SLC9B1: variants seen among roughly 807,000 people sequenced by gnomAD.
SLC9B1 encodes sodium/hydrogen exchanger 9B1.
SLC9B1 carries 32 observed loss-of-function variants against 51.7 expected under a neutral mutation model. That is an observed-to-expected ratio of 0.62 (90% CI 0.47 to 0.83). The LOEUF (loss-of-function observed/expected upper bound fraction) is 0.83, where lower values mean the gene tolerates loss of function less well. SLC9B1 is among the 40% of genes least tolerant of loss of function. The probability of loss-of-function intolerance (pLI) is 0.00; values close to 1 mark genes in which losing one functional copy is unlikely to be tolerated. For missense variants in SLC9B1, 406 were observed against 613.2 expected (o/e 0.66, Z 3.57); for synonymous variants, 145 against 212.7 (o/e 0.68, Z 2.77).
chr4:102,950,850 C>T (rs1160143261), intron 3 of SLC9B1, among the ~76,000 whole-genome samples: 1 of 152,116 alleles, frequency 6.6e-6, no homozygotes, highest in African/African-American at 2.4e-5. Flanking sequence ...AAACAATTAG[C>T]CTGGCCTGTT....
intron 11 of SLC9B1, among the ~76,000 whole-genome samples, chr4:102,895,063 G>A (rs1734470683): frequency 6.6e-6 from 1 of 152,108 alleles, no homozygotes; most frequent in Non-Finnish European, 1.5e-5. Flanking sequence ...TAGAAGAATA[G>A]TCAGAAAATT....
intron 3 of SLC9B1, among the ~76,000 whole-genome samples, chr4:102,958,780 G>A (rs1019106381): frequency 5.7e-4 from 86 of 152,066 alleles, no homozygotes; most frequent in African/African-American, 2.0e-3. Flanking sequence ...AAAATTAGCC[G>A]GGCATGGTGG....
At chr4:102,967,966 A>G (rs4365730) in intron 3 of SLC9B1, among the ~76,000 whole-genome samples, 1 of 152,246 alleles carries the variant, frequency 6.6e-6, no homozygotes, top group Non-Finnish European at 1.5e-5. Flanking sequence ...TCCTGCCAAG[A>G]GTCTAGAAAG....
At chr4:103,003,137 C>A (rs986188448) in intron 1 of SLC9B1, among the ~76,000 whole-genome samples, 2 of 152,098 alleles carry the variant, frequency 1.3e-5, no homozygotes, top group Admixed American at 6.6e-5. Flanking sequence ...TATTTGTAAT[C>A]TTTTCATCTT....
chr4:103,008,946 C>T (rs1355311203), intron 1 of SLC9B1, among the ~76,000 whole-genome samples: 1 of 151,972 alleles, frequency 6.6e-6, no homozygotes, highest in African/African-American at 2.4e-5. Flanking sequence ...ACTACGGGCG[C>T]GTGCCACCAC....
Position 102,991,635 on chromosome 4 carries a change from GT to G in SLC9B1, c.69+7del. ...ATCATATATTACAGTATACTTTTAA[GT>G]TTTTACCTGAGGAGTTGTAGATGTT... On this transcript the variant is annotated splice_region_variant and intron_variant, in intron 2 of 11. Coordinates refer to ENST00000296422, the MANE Select transcript of SLC9B1 (RefSeq NM_139173.4). The G allele has an allele frequency of 6.4e-7, 1 of 1,562,726 alleles. No individual in the cohort carries two copies. The highest frequency in any genetic ancestry group is 8.7e-7 in the Non-Finnish European group (1 of 1,149,670).
chr4:102,895,411 G>A (rs1422953019), intron 11 of SLC9B1, among the ~76,000 whole-genome samples: 2 of 152,032 alleles, frequency 1.3e-5, no homozygotes, highest in African/African-American at 4.8e-5. Flanking sequence ...ACACCTATGT[G>A]GAAAAAGGTA....
intron 1 of SLC9B1, among the ~76,000 whole-genome samples, chr4:102,992,741 A>G (rs1207910975): frequency 2.0e-5 from 3 of 152,208 alleles, no homozygotes; most frequent in African/African-American, 7.2e-5. Flanking sequence ...CAAAATAACT[A>G]TCTTGTCATT....
chr4:102,997,538 T>C (rs1364059479), intron 1 of SLC9B1, among the ~76,000 whole-genome samples: 1 of 152,218 alleles, frequency 6.6e-6, no homozygotes, highest in Non-Finnish European at 1.5e-5. Context: ...CTTGATAAAT[T>C]CACTTAATTC....
At chr4:102,932,887 A>G (rs1479811319) in intron 6 of SLC9B1, among the ~76,000 whole-genome samples, 1 of 152,148 alleles carries the variant, frequency 6.6e-6, no homozygotes, top group Non-Finnish European at 1.5e-5. Context: ...ATAAGTAAGT[A>G]AGGAAGGAAG....
At chr4:102,943,506 T>TACACACACACACACACACACACACACAC (rs373442152) in intron 6 of SLC9B1, among the ~76,000 whole-genome samples, 2 of 145,484 alleles carry the variant, frequency 1.4e-5, no homozygotes, top group South Asian at 4.4e-4. Flanking sequence ...TGTGTATGTA[T>TACACACACACACACACACACACACACAC]ACACACACAC....
Position 102,974,244 on chromosome 4 carries a change from A to AAAAAAAT in SLC9B1, c.211+15555_211+15556insATTTTTT, listed in dbSNP as rs1553986445. ...AGAGCAAGACTCTGTCTAAAATTGA[A>AAAAAAAT]AAAAAAAAAAAAAAAAAAAAAATCG... On this transcript the variant is annotated intron_variant, in intron 3 of 11. Transcript: ENST00000296422. Among the ~76,000 whole-genome samples the AAAAAAAT allele has an allele frequency of 2.5e-4, 30 of 122,216 alleles. 1 individual carries two copies. The highest frequency in any genetic ancestry group is 4.9e-4 in the Non-Finnish European group (29 of 59,256). 80.2% of individuals were successfully genotyped at this position (122,216 alleles called of 152,430 possible). A position where few individuals can be genotyped will look rare whatever the true frequency, so the allele number is the denominator to read the frequency against.
At chr4:102,981,595 C>T (rs1286685117) in intron 3 of SLC9B1, among the ~76,000 whole-genome samples, 1 of 152,118 alleles carries the variant, frequency 6.6e-6, no homozygotes, top group African/African-American at 2.4e-5. Context: ...TTACAATTAC[C>T]TAATGACCTA....
chr4:102,994,127 A>C (rs1245340707), intron 1 of SLC9B1, among the ~76,000 whole-genome samples: 1 of 152,166 alleles, frequency 6.6e-6, no homozygotes, highest in East Asian at 1.9e-4. Flanking sequence ...GCAGGCTTGA[A>C]ATTCTACCCC....
At chr4:102,898,273 G>A (rs1264796262), downstream of SLC9B1, 9 of 477,226 alleles carry the variant, frequency 1.9e-5, no homozygotes, top group Middle Eastern at 4.6e-4. Flanking sequence ...AGAAACTTGC[G>A]CATCACTGAA....
At chr4:102,945,969 C>T (rs1560944259) in intron 5 of SLC9B1, among the ~76,000 whole-genome samples, 2 of 151,814 alleles carry the variant, frequency 1.3e-5, no homozygotes, top group South Asian at 4.2e-4. Context: ...TTGGATTTTA[C>T]AATAATGCAA....
intron 11 of SLC9B1, among the ~76,000 whole-genome samples, chr4:102,902,101 G>C (rs1734818902): frequency 6.6e-6 from 1 of 151,902 alleles, no homozygotes; most frequent in Non-Finnish European, 1.5e-5. Flanking sequence ...GACTGTACTG[G>C]GTCACAAGTT....
intron 3 of SLC9B1, among the ~76,000 whole-genome samples, chr4:102,966,023 C>T (rs537841118): frequency 1.2e-3 from 187 of 152,312 alleles, no homozygotes; most frequent in African/African-American, 4.4e-3. Context: ...CTTGGGCAGC[C>T]CCACCTCCAT....
intron 1 of SLC9B1, among the ~76,000 whole-genome samples, chr4:102,993,741 T>A (rs1740073660): frequency 6.6e-6 from 1 of 152,180 alleles, no homozygotes; most frequent in Non-Finnish European, 1.5e-5. Flanking sequence ...ATCCAGGCAT[T>A]TCTATATACC....
Sources: allele counts gnomAD v4.1 joint callset (sites outside exome capture counted in the v4.1 genomes callset), GRCh38; gene constraint gnomAD v4.1.1; transcripts MANE v1.5; gene names NCBI Gene and HGNC (gene_info 2026-07-23, HGNC 2026-07-21).